MRAP2: variants seen among roughly 807,000 people sequenced by gnomAD.
The protein encoded by MRAP2 is melanocortin 2 receptor accessory protein 2, also known as melanocortin-2 receptor accessory protein 2.
A neutral mutation model predicts 17.4 loss-of-function variants in MRAP2; 20 were observed. The ratio of observed to expected loss-of-function variants is 1.15; its 90% confidence interval spans 0.81 to 1.67. MRAP2 has a LOEUF of 1.67. MRAP2 is among the 40% of genes most tolerant of loss of function. The pLI is 0.00. For synonymous variants in MRAP2, 96 were observed against 88.4 expected, an observed-to-expected ratio of 1.09 and a Z score of -0.48; for missense variants, 238 against 240.0, an observed-to-expected ratio of 0.99 and a Z score of 0.05.
chr6:84,049,999 C>T (rs372296463), intron 1 of MRAP2, among the ~76,000 whole-genome samples: 4 of 127,470 alleles, frequency 3.1e-5, no homozygotes, highest in South Asian at 2.6e-4. Flanking sequence ...TGTGTGTGTA[C>T]GTGCGTGTAA....
chr6:84,069,347 A>G (rs2099495610), intron 3 of MRAP2, among the ~76,000 whole-genome samples: 1 of 152,044 alleles, frequency 6.6e-6, no homozygotes. Context: ...ATCTATTGAG[A>G]TGATCATGTA....
Position 84,075,975 on chromosome 6 carries a change from C to A in MRAP2, c.227+12983C>A, listed in dbSNP as rs575388534. ...TGTAGTGAGTGATTCCTGAGGAAGC[C>A]CTGTCGTTCTGAGGTATCTACTGCT... On this transcript the variant is annotated intron_variant, in intron 3 of 3. Transcript: ENST00000257776. Among the ~76,000 whole-genome samples the A allele has an allele frequency of 2.6e-5, 4 of 152,110 alleles. No homozygotes were observed. The East Asian group carries it at 7.7e-4, about 29-fold the overall frequency.
intron 3 of MRAP2, among the ~76,000 whole-genome samples, chr6:84,073,168 C>G (rs2099496641): frequency 6.6e-6 from 1 of 152,174 alleles, no homozygotes; most frequent in Non-Finnish European, 1.5e-5. Context: ...CCCCCTGATC[C>G]CCTGGCTCCT....
At chr6:84,126,512 T>C in the MRAP2 span, 1 of 1,517,844 alleles carries the variant, frequency 6.6e-7, no homozygotes, top group Non-Finnish European at 8.8e-7. Context: ...AGTTTTGTAA[T>C]CTAAAATTGA....
At chr6:84,066,780 C>T (rs1294470459) in intron 3 of MRAP2, among the ~76,000 whole-genome samples, 1 of 152,210 alleles carries the variant, frequency 6.6e-6, no homozygotes, top group Non-Finnish European at 1.5e-5. Flanking sequence ...ACTAAAGTCT[C>T]TTCGGTGCTG....
the MRAP2 span, among the ~76,000 whole-genome samples, chr6:84,108,828 A>T: frequency 6.6e-6 from 1 of 152,134 alleles, no homozygotes; most frequent in African/African-American, 2.4e-5. Context: ...TAAGTCTTTA[A>T]TTCATCTTGA....
intron 1 of MRAP2, among the ~76,000 whole-genome samples, chr6:84,036,419 G>C (rs1314166801): frequency 6.6e-6 from 1 of 152,082 alleles, no homozygotes; most frequent in Non-Finnish European, 1.5e-5. Flanking sequence ...ATGAAGCCAC[G>C]GACCCTTGCG....
chr6:84,041,740 C>G (rs1588620553), intron 1 of MRAP2, among the ~76,000 whole-genome samples: 1 of 152,352 alleles, frequency 6.6e-6, no homozygotes, highest in African/African-American at 2.4e-5. Context: ...GCCAATTTCT[C>G]CCATTTGGAA....
intron 1 of MRAP2, chr6:84,052,775 C>T: frequency 1.0e-6 from 1 of 984,582 alleles, no homozygotes. Context: ...ATGAGAACCT[C>T]CTGTAGGCTG....
intron 1 of MRAP2, among the ~76,000 whole-genome samples, chr6:84,053,532 G>A (rs1186653568): frequency 6.6e-6 from 1 of 152,162 alleles, no homozygotes; most frequent in Non-Finnish European, 1.5e-5. Context: ...GCTGAGGCAG[G>A]TAGATTGCTT....
At position 84,083,272 on chromosome 6, in the gene MRAP2, G is replaced by A. The variant is rs1309867930; in HGVS notation, c.228-5819G>A. Among the ~76,000 whole-genome samples, 3 of 152,180 alleles carry A rather than the reference G, an allele frequency of 2.0e-5. No homozygotes were observed. In the East Asian group the frequency reaches 5.8e-4, roughly 29 times the overall value. ...TCCCAACAGCCACCATGCCTGGCCT[G>A]TTTACTTTTAACAATTATACCTGGA... On this transcript the variant is annotated intron_variant, in intron 3 of 3. Coordinates refer to ENST00000257776, the MANE Select transcript of MRAP2 (RefSeq NM_138409.4).
At position 84,089,593 on chromosome 6, in the gene MRAP2, T is replaced by A; in HGVS notation, c.*112T>A. 1 of 1,258,048 alleles carries A rather than the reference T, an allele frequency of 7.9e-7. No individual in the cohort carries two copies. Among genetic ancestry groups the A allele is most frequent in the Non-Finnish European group, 1.1e-6 (1 of 906,410 alleles). The allele number at this position is 1,258,048 out of a possible 1,614,324, so 77.9% of individuals were successfully genotyped here. A position where few individuals can be genotyped will look rare whatever the true frequency, so the allele number is the denominator to read the frequency against. On this transcript the variant is annotated 3_prime_UTR_variant, in exon 4 of 4. Coordinates refer to ENST00000257776, the MANE Select transcript of MRAP2 (RefSeq NM_138409.4). Reference sequence around the variant, plus strand: ...TTTGGGGGAGAGAGAGACATAGAGATAGAGACAGAGAGGCAGAGAAGAGAC... The same window carrying A: ...TTTGGGGGAGAGAGAGACATAGAGAAAGAGACAGAGAGGCAGAGAAGAGAC...
At position 84,037,537 on chromosome 6, in the gene MRAP2, C is replaced by T. The variant is rs558994231; in HGVS notation, c.-8+3654C>T. Among the ~76,000 whole-genome samples, 19 of 150,136 alleles carry T rather than the reference C, an allele frequency of 1.3e-4. No homozygotes were observed. The South Asian group carries it at 1.7e-3, about 13-fold the overall frequency. ...GCGCCATGGAGCAGGGGGCGGCGCC[C>T]GTTGGGGAGGCTCGGGCAGTGCGGG... On this transcript the variant is annotated intron_variant, in intron 1 of 3. Transcript: ENST00000257776.
chr6:84,140,456 A>G, the MRAP2 span, among the ~76,000 whole-genome samples: 1 of 151,828 alleles, frequency 6.6e-6, no homozygotes, highest in Non-Finnish European at 1.5e-5. Context: ...ATCGAGGGAG[A>G]TTTGATCTTT....
chr6:84,117,965 G>A, the MRAP2 span, among the ~76,000 whole-genome samples: 5 of 152,186 alleles, frequency 3.3e-5, no homozygotes, highest in African/African-American at 1.2e-4. Flanking sequence ...CGGGATCAGG[G>A]ACCTTCTTAA....
intron 2 of MRAP2, among the ~76,000 whole-genome samples, chr6:84,057,209 G>T (rs772214629): frequency 5.3e-5 from 8 of 152,162 alleles, no homozygotes; most frequent in Non-Finnish European, 1.2e-4. Flanking sequence ...GTGTGCTCTG[G>T]TACAGTCTCT....
the MRAP2 span, among the ~76,000 whole-genome samples, chr6:84,096,868 A>T: frequency 6.6e-6 from 1 of 152,326 alleles, no homozygotes; most frequent in Admixed American, 6.5e-5. Flanking sequence ...GGTGCTGGTT[A>T]ACATCCCTAG....
intron 3 of MRAP2, among the ~76,000 whole-genome samples, chr6:84,078,884 ACTCAGT>A (rs1371667979): frequency 6.6e-6 from 1 of 152,150 alleles, no homozygotes; most frequent in East Asian, 1.9e-4. Context: ...TTTGTAAACT[ACTCAGT>A]CTCAGGTATG....
the MRAP2 span, among the ~76,000 whole-genome samples, chr6:84,123,281 A>G: frequency 1.3e-5 from 2 of 150,642 alleles, no homozygotes; most frequent in African/African-American, 4.9e-5. Context: ...CTAAATAGCC[A>G]AAGCACTCCT....
Sources: allele counts gnomAD v4.1 joint callset (sites outside exome capture counted in the v4.1 genomes callset), GRCh38; gene constraint gnomAD v4.1.1; transcripts MANE v1.5; gene names NCBI Gene and HGNC (gene_info 2026-07-23, HGNC 2026-07-21).